The following THAP9 variants were observed in gnomAD, a reference collection of about 807,000 sequenced individuals.
THAP9 encodes DNA transposase THAP9.
Under a neutral mutation model 35.7 loss-of-function variants are expected in THAP9, and 20 were observed. The observed-to-expected ratio is 0.56, with a 90% CI of 0.39 to 0.81. THAP9 has a LOEUF of 0.81. Among genes scored for constraint, THAP9 ranks in the 40% least tolerant of loss-of-function variants. The pLI is 0.00. For missense variants in THAP9, 870 were observed against 1,047.4 expected, an observed-to-expected ratio of 0.83 and a Z score of 2.34; for synonymous variants, 335 against 373.7, an observed-to-expected ratio of 0.90 and a Z score of 1.19.
Position 82,917,257 on chromosome 4 carries a change from TTG to T in THAP9, c.1046_1047del (p.Leu349SerfsTer11). 1 of 1,614,168 alleles carries T rather than the reference TTG, an allele frequency of 6.2e-7. No homozygotes were observed. Among genetic ancestry groups the T allele is most frequent in the Non-Finnish European group, 8.5e-7 (1 of 1,180,018 alleles). The stretch of plus-strand genomic sequence containing the variant: ...TTTTGTAAACAGAGCATCTGGATAT[TTG>T]CAGGCTCAGCTGCTTCGTCTGACTA... ...YFFVNRASGY[L>X]QAQLLRLTIG... On this transcript the variant is annotated frameshift_variant, in exon 5 of 5. Coordinates refer to ENST00000302236, the MANE Select transcript of THAP9 (RefSeq NM_024672.6). LOFTEE classifies it high-confidence loss of function.
intron 4 of THAP9, among the ~76,000 whole-genome samples, chr4:82,914,753 T>C (rs2126016171): frequency 6.6e-6 from 1 of 152,324 alleles, no homozygotes; most frequent in South Asian, 2.1e-4. Flanking sequence ...TTTTCTCCCA[T>C]TCTGTAGGAT....
chr4:82,911,221 C>T (rs1387335394), intron 4 of THAP9, among the ~76,000 whole-genome samples: 1 of 152,072 alleles, frequency 6.6e-6, no homozygotes, highest in African/African-American at 2.4e-5. Context: ...TCCATTGAAA[C>T]AGGAAGAAAG....
chr4:82,901,723 T>TG (rs1157758500), intron 1 of THAP9, among the ~76,000 whole-genome samples: 1 of 151,466 alleles, frequency 6.6e-6, no homozygotes, highest in African/African-American at 2.4e-5. Context: ...TTTTTTTTTT[T>TG]TTGTTTTCTA....
At chr4:82,912,303 CTG>C (rs927377783) in intron 4 of THAP9, among the ~76,000 whole-genome samples, 1 of 152,064 alleles carries the variant, frequency 6.6e-6, no homozygotes, top group African/African-American at 2.4e-5. Flanking sequence ...TATATTTCCT[CTG>C]TTTCTAATTT....
Position 82,917,039 on chromosome 4 carries a change from A to G in THAP9, c.827A>G (p.Tyr276Cys). The change falls in exon 5 of 5, where the codon TAC (tyrosine) becomes TGC (cysteine). Residue 276 changes from tyrosine (Y) to cysteine (C), a missense_variant. Coordinates refer to ENST00000302236, the MANE Select transcript of THAP9 (RefSeq NM_024672.6). ...GAGAATGGAGATCAGCTCTATCAATACTGTTCATTGTTAATAAAAAGTATG... is the reference window on the plus strand; with the variant it reads ...GAGAATGGAGATCAGCTCTATCAATGCTGTTCATTGTTAATAAAAAGTATG... Reference protein sequence around the residue: ...RVENGDQLYQYCSLLIKSMPL... With the variant: ...RVENGDQLYQCCSLLIKSMPL... 6.2e-7 allele frequency: 1 copy of G among 1,610,260 alleles called. No individual in the cohort carries two copies. The highest frequency in any genetic ancestry group is 8.5e-7 in the Non-Finnish European group (1 of 1,178,576).
Position 82,919,019 on chromosome 4 carries a change from C to A in THAP9, c.*95C>A. ...TATTTTATAAATTGCGCATTCTGCA[C>A]AGTGGACAAGTTTGCAATTCTGACT... On this transcript the variant is annotated 3_prime_UTR_variant, in exon 5 of 5. Coordinates refer to ENST00000302236, the MANE Select transcript of THAP9 (RefSeq NM_024672.6). 2 of 1,034,496 alleles carry A rather than the reference C, an allele frequency of 1.9e-6. No homozygotes were observed. The highest frequency in any genetic ancestry group is 2.8e-6 in the Non-Finnish European group (2 of 721,848). The allele number at this position is 1,034,496 out of a possible 1,614,324, so 64.1% of individuals were successfully genotyped here. A position where few individuals can be genotyped will look rare whatever the true frequency, so the allele number is the denominator to read the frequency against.
At chr4:82,902,665 G>A (rs1013638389) in intron 1 of THAP9, among the ~76,000 whole-genome samples, 1 of 152,224 alleles carries the variant, frequency 6.6e-6, no homozygotes, top group East Asian at 1.9e-4. Flanking sequence ...AGTTAGAAAA[G>A]AACTCAGTGA....
intron 1 of THAP9, 86 bp downstream of exon 1, chr4:82,900,968 A>G: frequency 6.7e-7 from 1 of 1,493,116 alleles, no homozygotes; most frequent in Non-Finnish European, 9.2e-7. Flanking sequence ...GCCGGGCCGC[A>G]CTGTGGGTCG....
At chr4:82,915,133 C>T (rs1436965229) in intron 4 of THAP9, among the ~76,000 whole-genome samples, 4 of 152,062 alleles carry the variant, frequency 2.6e-5, no homozygotes, top group African/African-American at 7.2e-5. Context: ...GCCTTATTTC[C>T]GGTTTGCCCT....
In THAP9 at chr4:82,900,806, A is replaced by C. The variant is rs1578438821; in HGVS notation, c.4A>C (p.Thr2Pro). 1 of 1,613,608 alleles carries C rather than the reference A, an allele frequency of 6.2e-7. No homozygotes were observed. Among genetic ancestry groups the C allele is most frequent in the Non-Finnish European group, 8.5e-7 (1 of 1,180,002 alleles). Residue 2 changes from threonine to proline, a missense_variant, in exon 1 of 5, where the codon ACC (threonine) becomes CCC (proline). Thr to Pro is a conservative substitution (Grantham distance 38, BLOSUM62 -1). Around this residue, in one of 3 missense-constraint regions of THAP9, gnomAD observed 440 missense variants for 501.2 expected, o/e 0.88. Transcript: ENST00000302236. M[T>P]RSCSAVGCST... ...TGGGGCCCCACGTAACAAGAAGATG[A>C]CCCGAAGTTGCTCCGCAGTGGGCTG...
Position 82,909,976 on chromosome 4 carries a change from A to C in THAP9, c.731+2041A>C, listed in dbSNP as rs141169262. 777 of 152,262 alleles carry C rather than the reference A, an allele frequency of 5.1e-3. 16 individuals are homozygous for C. The highest frequency in any genetic ancestry group is 0.018 in the African/African-American group (740 of 41,560). 9.4% of individuals were successfully genotyped at this position (152,262 alleles called of 1,614,324 possible). A position where few individuals can be genotyped will look rare whatever the true frequency, so the allele number is the denominator to read the frequency against. On this transcript the variant is annotated intron_variant, in intron 4 of 4. Coordinates refer to ENST00000302236, the MANE Select transcript of THAP9 (RefSeq NM_024672.6). The stretch of plus-strand genomic sequence containing the variant: ...CATTTATCTTTTCTTTGTGTTGAGA[A>C]GCATATACCTTTTTAATCTCTTCAC...
Sources: gnomAD v4.1 joint callset for allele counts (sites outside exome capture counted in the v4.1 genomes callset) on GRCh38, gnomAD v4.1.1 for gene constraint, gnomAD v4.1.1 regional missense constraint, MANE v1.5 for transcripts, NCBI Gene and HGNC (gene_info 2026-07-23, HGNC 2026-07-21) for gene names.